ESYT2: variants seen among roughly 807,000 people sequenced by gnomAD.
ESYT2 encodes the protein extended synaptotagmin-2.
A neutral mutation model predicts 107.2 loss-of-function variants in ESYT2; 54 were observed. The ratio of observed to expected loss-of-function variants is 0.50; its 90% CI spans 0.40 to 0.63. The LOEUF (loss-of-function observed/expected upper bound fraction) is 0.63, where lower values mean the gene tolerates loss of function less well. Ranked by LOEUF, ESYT2 falls within the 30% of genes least tolerant of loss-of-function variation. The probability of loss-of-function intolerance (pLI) is 0.00; values close to 1 mark genes in which losing one functional copy is unlikely to be tolerated. For synonymous variants in ESYT2, 491 were observed against 434.1 expected, an observed-to-expected ratio of 1.13 and a Z score of -1.63; for missense variants, 1,020 against 1,094.5, an observed-to-expected ratio of 0.93 and a Z score of 0.96.
At chr7:158,798,804 A>G (rs1839549676) in intron 2 of ESYT2, among the ~76,000 whole-genome samples, 1 of 152,150 alleles carries the variant, frequency 6.6e-6, no homozygotes. Context: ...CCAGAGACAC[A>G]AATATGCACA....
rs1255376269 is a variant in ESYT2 at position 158,756,532 on chromosome 7, C to T, written c.1419+2954G>A. ...TGGGTGAATTTCTATCTTCACGTGA[C>T]CATCCCCCAAATGACTGAGAGTTGA... is the stretch of plus-strand genomic sequence containing the variant. On this transcript the variant is annotated intron_variant, in intron 13 of 22. Coordinates refer to ENST00000275418, the MANE Select transcript of ESYT2 (RefSeq NM_001367773.1). Among the ~76,000 whole-genome samples the T allele has an allele frequency of 4.6e-5, 7 of 152,258 alleles. No homozygotes were observed. In the East Asian group the frequency reaches 1.2e-3, roughly 25 times the overall value.
chr7:158,817,571 A>G (rs1012486479), intron 1 of ESYT2, among the ~76,000 whole-genome samples: 1 of 152,206 alleles, frequency 6.6e-6, no homozygotes, highest in Non-Finnish European at 1.5e-5. Flanking sequence ...TTCTGAACCA[A>G]TGTACCCACT....
At chr7:158,751,647 C>G (rs1344277648) in intron 14 of ESYT2, among the ~76,000 whole-genome samples, 2 of 152,268 alleles carry the variant, frequency 1.3e-5, no homozygotes, top group African/African-American at 2.4e-5. Flanking sequence ...TGGGCACTTT[C>G]ATACGTATTC....
intron 1 of ESYT2, among the ~76,000 whole-genome samples, chr7:158,811,554 G>A (rs367845788): frequency 5.4e-4 from 82 of 152,338 alleles, no homozygotes; most frequent in African/African-American, 1.9e-3. Flanking sequence ...GGAACACACA[G>A]GCGCATGAAC....
At chr7:158,764,461 T>G (rs1379959233) in intron 9 of ESYT2, among the ~76,000 whole-genome samples, 1 of 152,226 alleles carries the variant, frequency 6.6e-6, no homozygotes, top group Non-Finnish European at 1.5e-5. Flanking sequence ...ATTATGTAAT[T>G]AAGGTTTAAA....
At chr7:158,752,953 T>A in intron 13 of ESYT2, 110 bp from the exon 14 acceptor site, 1 of 640,664 alleles carries the variant, frequency 1.6e-6, no homozygotes, top group Non-Finnish European at 2.3e-6. Flanking sequence ...CAAAAATCTT[T>A]AAACAAAACC....
At chr7:158,813,586 C>T (rs1250501846) in intron 1 of ESYT2, among the ~76,000 whole-genome samples, 1 of 152,190 alleles carries the variant, frequency 6.6e-6, no homozygotes, top group Non-Finnish European at 1.5e-5. Flanking sequence ...GAAATAAATA[C>T]CTTTCCAGAC....
At position 158,750,518 on chromosome 7, in the gene ESYT2, C is replaced by T. The variant is rs185507237; in HGVS notation, c.1483-795G>A. ...GAGTTAAATAATTTTAGAGTCAAGA[C>T]TCAACAATACAGCAGTGTCAGAAAT... On this transcript the variant is annotated intron_variant, in intron 14 of 22. Transcript: ENST00000275418. Among the ~76,000 whole-genome samples the T allele has an allele frequency of 3.7e-3, 560 of 152,248 alleles. 3 individuals are homozygous for T. The highest frequency in any genetic ancestry group is 6.0e-3 in the Non-Finnish European group (408 of 68,020).
intron 1 of ESYT2, among the ~76,000 whole-genome samples, chr7:158,802,608 A>C (rs908143266): frequency 2.0e-5 from 3 of 152,220 alleles, no homozygotes; most frequent in Non-Finnish European, 4.4e-5. Context: ...TTACAAAAAA[A>C]AGTACAGCAG....
At chr7:158,818,262 C>A (rs375972475) in intron 1 of ESYT2, among the ~76,000 whole-genome samples, 1 of 152,132 alleles carries the variant, frequency 6.6e-6, no homozygotes, top group Non-Finnish European at 1.5e-5. Context: ...GAAAGATTAG[C>A]CATGTCCTTG....
intron 6 of ESYT2, among the ~76,000 whole-genome samples, chr7:158,776,635 T>C (rs1311967961): frequency 1.3e-5 from 2 of 152,230 alleles, no homozygotes; most frequent in Non-Finnish European, 2.9e-5. Flanking sequence ...GGAAATATAA[T>C]GTCTGGGCTG....
At chr7:158,763,015 C>T (rs844521) in intron 10 of ESYT2, 68 bp downstream of exon 10, 923,014 of 1,090,106 alleles carry the variant, frequency 0.85, 395,229 homozygotes, top group Non-Finnish European at 0.89. Flanking sequence ...TTAAAACATA[C>T]TTTTGATTAT....
chr7:158,816,609 A>G (rs976430858), intron 1 of ESYT2, among the ~76,000 whole-genome samples: 1 of 152,160 alleles, frequency 6.6e-6, no homozygotes, highest in Admixed American at 6.5e-5. Flanking sequence ...CCCTTAAAAG[A>G]TAAGAGTGTT....
At chr7:158,799,943 T>A (rs772736253) in intron 1 of ESYT2, among the ~76,000 whole-genome samples, 8 of 152,324 alleles carry the variant, frequency 5.3e-5, no homozygotes, top group Non-Finnish European at 1.0e-4. Flanking sequence ...GCCAACATAT[T>A]CTTGCAAACC....
chr7:158,736,050 A>C (rs1254314718), intron 20 of ESYT2, among the ~76,000 whole-genome samples: 1 of 152,220 alleles, frequency 6.6e-6, no homozygotes, highest in African/African-American at 2.4e-5. Context: ...GCAGCTTCGC[A>C]GGAGGGAGAA....
chr7:158,823,985 A>T (rs971361449), intron 1 of ESYT2, among the ~76,000 whole-genome samples: 14 of 152,226 alleles, frequency 9.2e-5, no homozygotes, highest in Non-Finnish European at 1.9e-4. Flanking sequence ...ATTAATCTTA[A>T]GTAGAAATTT....
At chr7:158,734,284 G>C in intron 22 of ESYT2, 32 bp from the exon 23 acceptor site, 2 of 1,613,900 alleles carry the variant, frequency 1.2e-6, no homozygotes, top group Non-Finnish European at 1.7e-6. Context: ...AGGTGGTGAC[G>C]GATACAGGAC....
At chr7:158,827,219 C>G (rs959476666) in intron 1 of ESYT2, among the ~76,000 whole-genome samples, 14 of 149,522 alleles carry the variant, frequency 9.4e-5, no homozygotes, top group African/African-American at 3.5e-4. Flanking sequence ...AGATTTTTAA[C>G]AAGCAAATTT....
At chr7:158,778,808 T>C (rs1030894741) in intron 6 of ESYT2, among the ~76,000 whole-genome samples, 1 of 151,540 alleles carries the variant, frequency 6.6e-6, no homozygotes, top group East Asian at 1.9e-4. Context: ...AAAGGTGCTA[T>C]GTAAAAACGA....
Sources: gnomAD v4.1 joint callset for allele counts (sites outside exome capture counted in the v4.1 genomes callset) on GRCh38, gnomAD v4.1.1 for gene constraint, MANE v1.5 for transcripts, NCBI Gene and HGNC (gene_info 2026-07-23, HGNC 2026-07-21) for gene names.